Variants in GRM7 observed in about 807,000 individuals in gnomAD.
GRM7 encodes glutamate metabotropic receptor 7, also known as metabotropic glutamate receptor 7.
Under a neutral mutation model 84.5 loss-of-function variants are expected in GRM7, and 35 were observed. That is an observed-to-expected ratio of 0.41 (90% CI 0.32 to 0.55). The LOEUF (loss-of-function observed/expected upper bound fraction) is 0.55, where lower values mean the gene tolerates loss of function less well. Among genes scored for constraint, GRM7 ranks in the 20% least tolerant of loss-of-function variants. The probability of loss-of-function intolerance (pLI) is 0.19; values close to 1 mark genes in which losing one functional copy is unlikely to be tolerated. For missense variants in GRM7, 1,003 were observed against 1,194.6 expected (o/e 0.84, Z 2.36); for synonymous variants, 487 against 455.1 (o/e 1.07, Z -0.89).
At chr3:7,184,845 C>G (rs1695461355) in intron 2 of GRM7, among the ~76,000 whole-genome samples, 1 of 152,096 alleles carries the variant, frequency 6.6e-6, no homozygotes, top group Admixed American at 6.5e-5. Flanking sequence ...CCATTTCACT[C>G]TCGTGTTTAT....
At chr3:7,068,995 A>G (rs1284025717) in intron 1 of GRM7, among the ~76,000 whole-genome samples, 1 of 151,648 alleles carries the variant, frequency 6.6e-6, no homozygotes, top group Non-Finnish European at 1.5e-5. Flanking sequence ...TATGAGGTAG[A>G]TAAGTGGGTA....
At chr3:7,007,823 T>C (rs1306618246) in intron 1 of GRM7, among the ~76,000 whole-genome samples, 1 of 152,198 alleles carries the variant, frequency 6.6e-6, no homozygotes, top group African/African-American at 2.4e-5. Flanking sequence ...TTATCCCAAA[T>C]TCTGAAACTG....
intron 8 of GRM7, among the ~76,000 whole-genome samples, chr3:7,618,340 C>A (rs1191163657): frequency 6.6e-6 from 1 of 151,994 alleles, no homozygotes; most frequent in Non-Finnish European, 1.5e-5. Flanking sequence ...TTGGAATTTG[C>A]ATGGTATTCA....
chr3:7,041,463 ATTTCT>A (rs144762927), intron 1 of GRM7, among the ~76,000 whole-genome samples: 4,146 of 152,292 alleles, frequency 0.027, 179 homozygotes, highest in African/African-American at 0.094. Flanking sequence ...TTAATAGTTA[ATTTCT>A]TTTTATTAAT....
intron 4 of GRM7, among the ~76,000 whole-genome samples, chr3:7,335,052 G>A (rs562191349): frequency 8.8e-4 from 134 of 152,158 alleles, no homozygotes; most frequent in African/African-American, 3.0e-3. Flanking sequence ...CTATACACTA[G>A]AATGAATGGA....
chr3:7,102,538 G>C (rs192319018), intron 1 of GRM7, among the ~76,000 whole-genome samples: 1 of 151,750 alleles, frequency 6.6e-6, no homozygotes, highest in Middle Eastern at 3.4e-3. Context: ...GGTTTTCTTC[G>C]TATTTATCCT....
intron 1 of GRM7, among the ~76,000 whole-genome samples, chr3:7,108,840 T>A (rs998334474): frequency 6.6e-6 from 1 of 152,108 alleles, no homozygotes; most frequent in African/African-American, 2.4e-5. Context: ...TAGAGGCGCT[T>A]GGTTTCAATG....
intron 1 of GRM7, among the ~76,000 whole-genome samples, chr3:7,089,689 A>G (rs958673815): frequency 6.6e-6 from 1 of 152,246 alleles, no homozygotes; most frequent in African/African-American, 2.4e-5. Flanking sequence ...AAACTAAGCT[A>G]CAATCTTTGA....
At chr3:6,935,870 A>AT (rs1282271055) in intron 1 of GRM7, among the ~76,000 whole-genome samples, 14 of 151,764 alleles carry the variant, frequency 9.2e-5, no homozygotes, top group Non-Finnish European at 1.9e-4. Context: ...TAATTTTTGT[A>AT]TTTTTAGTAG....
At chr3:7,180,313 A>G (rs1442486949) in intron 2 of GRM7, among the ~76,000 whole-genome samples, 2 of 152,132 alleles carry the variant, frequency 1.3e-5, no homozygotes, top group South Asian at 4.1e-4. Flanking sequence ...CTGTCTGCAA[A>G]GAATATGGTA....
chr3:7,590,053 C>T (rs1232458490), intron 8 of GRM7, among the ~76,000 whole-genome samples: 1 of 152,174 alleles, frequency 6.6e-6, no homozygotes, highest in Non-Finnish European at 1.5e-5. Flanking sequence ...TCAGTGTCTA[C>T]CACCCCGAGC....
chr3:6,906,022 G>C (rs1226781249), intron 1 of GRM7, among the ~76,000 whole-genome samples: 1 of 152,112 alleles, frequency 6.6e-6, no homozygotes, highest in Non-Finnish European at 1.5e-5. Context: ...CCTTTATTTG[G>C]CTTAAGATAG....
intron 5 of GRM7, among the ~76,000 whole-genome samples, chr3:7,427,941 C>T (rs192973993): frequency 4.6e-5 from 7 of 152,122 alleles, no homozygotes; most frequent in Non-Finnish European, 8.8e-5. Flanking sequence ...ACTTCAAAAC[C>T]TTATGTTTCT....
At chr3:7,191,318 C>T (rs567301208) in intron 2 of GRM7, among the ~76,000 whole-genome samples, 4 of 151,806 alleles carry the variant, frequency 2.6e-5, no homozygotes, top group Admixed American at 1.3e-4. Context: ...TCCTTTATAC[C>T]GAGACAACCA....
intron 5 of GRM7, among the ~76,000 whole-genome samples, chr3:7,429,107 T>C (rs1380610631): frequency 6.6e-6 from 1 of 152,210 alleles, no homozygotes; most frequent in Admixed American, 6.5e-5. Context: ...TCATTAGCTA[T>C]GAAGCCTGAC....
intron 1 of GRM7, among the ~76,000 whole-genome samples, chr3:7,001,691 A>T (rs2124877862): frequency 7.4e-6 from 1 of 134,472 alleles, no homozygotes; most frequent in African/African-American, 3.4e-5. Flanking sequence ...CGTTGAAATT[A>T]ATTTATTTTT....
intron 1 of GRM7, among the ~76,000 whole-genome samples, chr3:7,124,294 T>G (rs897111704): frequency 6.6e-6 from 1 of 152,126 alleles, no homozygotes; most frequent in Admixed American, 6.5e-5. Context: ...ATGCTTAGAT[T>G]TAAACATATT....
chr3:7,140,502 C>T (rs879625771), intron 1 of GRM7, among the ~76,000 whole-genome samples: 11 of 151,918 alleles, frequency 7.2e-5, no homozygotes, highest in Non-Finnish European at 1.2e-4. Flanking sequence ...CTTACTTATA[C>T]GTAACCTTCA....
intron 1 of GRM7, among the ~76,000 whole-genome samples, chr3:7,104,068 G>T (rs567955169): frequency 1.3e-5 from 2 of 151,226 alleles, no homozygotes; most frequent in Non-Finnish European, 3.0e-5. Flanking sequence ...AGATAATTAG[G>T]TCTAAATGAG....
Sources: gnomAD v4.1 joint callset for allele counts (sites outside exome capture counted in the v4.1 genomes callset) on GRCh38, gnomAD v4.1.1 for gene constraint, MANE v1.5 for transcripts, NCBI Gene and HGNC (gene_info 2026-07-23, HGNC 2026-07-21) for gene names.